Variants in AGBL1 observed in about 807,000 individuals in gnomAD.
AGBL1 encodes the protein AGBL carboxypeptidase 1.
In AGBL1, 130 loss-of-function variants were observed where a neutral mutation model predicts 118.9. That is an observed-to-expected ratio of 1.09 (90% confidence interval 0.95 to 1.26). The LOEUF (loss-of-function observed/expected upper bound fraction) is 1.26, where lower values mean the gene tolerates loss of function less well. AGBL1 is among the 50% of genes most tolerant of loss of function. The pLI is 0.00. For synonymous variants in AGBL1, 555 were observed against 478.9 expected (o/e 1.16, Z -2.08); for missense variants, 1,584 against 1,298.1 (o/e 1.22, Z -3.38).
At chr15:86,938,727 A>G (rs1567249437) in intron 23 of AGBL1, 1 of 152,206 alleles carries the variant, frequency 6.6e-6, no homozygotes, top group East Asian at 1.9e-4. Flanking sequence ...GAGTTGAAGT[A>G]CCAAGAAAGC....
intron 18 of AGBL1, among the ~76,000 whole-genome samples, chr15:86,522,135 C>T (rs2083197276): frequency 6.6e-6 from 1 of 152,134 alleles, no homozygotes; most frequent in East Asian, 1.9e-4. Flanking sequence ...TGAATACGAA[C>T]ATCATCATTC....
chr15:86,994,723 C>A (rs200368392), intron 24 of AGBL1, among the ~76,000 whole-genome samples: 163 of 152,158 alleles, frequency 1.1e-3, no homozygotes, highest in Non-Finnish European at 2.0e-3. Context: ...ATCACATATA[C>A]CCTTCTATAT....
At chr15:86,602,173 G>A (rs1006046397) in intron 21 of AGBL1, among the ~76,000 whole-genome samples, 1 of 151,988 alleles carries the variant, frequency 6.6e-6, no homozygotes, top group African/African-American at 2.4e-5. Flanking sequence ...CCCTTTGCCA[G>A]AGAAAATCTA....
chr15:86,767,697 A>T (rs2078116153), intron 22 of AGBL1, among the ~76,000 whole-genome samples: 1 of 151,952 alleles, frequency 6.6e-6, no homozygotes, highest in South Asian at 2.1e-4. Context: ...TTTGCTTCTG[A>T]GGCTTTTTTC....
Position 86,554,243 on chromosome 15 carries a change from A to G in AGBL1, c.2818-118A>G, listed in dbSNP as rs142406821. 4.2e-4 allele frequency: 373 copies of G among 888,832 alleles called. 1 individual carries two copies. The highest frequency in any genetic ancestry group is 5.9e-4 in the Non-Finnish European group (359 of 609,186). 55.1% of individuals were successfully genotyped at this position (888,832 alleles called of 1,614,324 possible). On this transcript the variant is annotated intron_variant, in intron 20 of 22. Transcript: ENST00000614907. The stretch of plus-strand genomic sequence containing the variant: ...AGCCATTTCTTAGGGTTAATAAATG[A>G]TTTAAAGTAACGAGTATTTTATATA...
chr15:86,306,094 A>G (rs561404203), intron 17 of AGBL1, among the ~76,000 whole-genome samples: 1 of 152,276 alleles, frequency 6.6e-6, no homozygotes, highest in East Asian at 1.9e-4. Flanking sequence ...ACAGGCACAC[A>G]ATGTGAAATA....
intron 23 of AGBL1, among the ~76,000 whole-genome samples, chr15:86,925,149 G>A (rs12903673): frequency 4.9e-4 from 11 of 22,426 alleles, no homozygotes; most frequent in African/African-American, 6.8e-4. Context: ...AGGAAGAGGA[G>A]GAGGAGGAGG....
intron 18 of AGBL1, among the ~76,000 whole-genome samples, chr15:86,440,520 A>C (rs1342694996): frequency 1.2e-5 from 1 of 85,958 alleles, no homozygotes; most frequent in Non-Finnish European, 2.2e-5. Flanking sequence ...ATAACAGTTA[A>C]TGGAAGTTAA....
chr15:86,189,183 AT>A (rs1360214567), intron 5 of AGBL1, among the ~76,000 whole-genome samples: 1 of 152,118 alleles, frequency 6.6e-6, no homozygotes, highest in Non-Finnish European at 1.5e-5. Flanking sequence ...CTTTAAAACC[AT>A]TTTCCCTGGG....
chr15:86,856,946 G>A (rs1198239152), intron 22 of AGBL1, among the ~76,000 whole-genome samples: 2 of 152,082 alleles, frequency 1.3e-5, no homozygotes, highest in African/African-American at 4.8e-5. Context: ...GTTTTGTCCC[G>A]AAGTCCCATG....
At chr15:86,436,821 G>C (rs537199652) in intron 18 of AGBL1, among the ~76,000 whole-genome samples, 1 of 152,260 alleles carries the variant, frequency 6.6e-6, no homozygotes, top group East Asian at 1.9e-4. Flanking sequence ...TTTTTTTAGA[G>C]AGTGCCTAAG....
chr15:86,954,419 G>T (rs529329914), intron 23 of AGBL1, among the ~76,000 whole-genome samples: 1 of 152,318 alleles, frequency 6.6e-6, no homozygotes, highest in East Asian at 1.9e-4. Flanking sequence ...ATCAGTGATT[G>T]ACTGAAGGAG....
intron 18 of AGBL1, among the ~76,000 whole-genome samples, chr15:86,450,946 T>C (rs1363363829): frequency 2.6e-5 from 4 of 152,228 alleles, no homozygotes. Context: ...TATAGGTTTA[T>C]GTTGATTTTT....
At chr15:86,713,990 G>A (rs528751818) in intron 22 of AGBL1, among the ~76,000 whole-genome samples, 5 of 152,312 alleles carry the variant, frequency 3.3e-5, no homozygotes, top group African/African-American at 1.2e-4. Context: ...CACAAAGGCT[G>A]AAAGCATAGG....
intron 5 of AGBL1, among the ~76,000 whole-genome samples, chr15:86,167,307 C>G (rs577922999): frequency 1.8e-4 from 28 of 151,472 alleles, no homozygotes; most frequent in African/African-American, 6.8e-4. Context: ...GTGCAGTGGC[C>G]TGATCCTGGC....
downstream of AGBL1, among the ~76,000 whole-genome samples, chr15:86,918,647 A>C (rs915005929): frequency 4.6e-5 from 7 of 152,174 alleles, no homozygotes; most frequent in Non-Finnish European, 8.8e-5. Context: ...AATTTTGCTC[A>C]GCTTCCTTCT....
At position 86,264,574 on chromosome 15, in the gene AGBL1, G is replaced by A. The variant is rs1346826255; in HGVS notation, c.1403G>A (p.Trp468Ter). The change falls in exon 11 of 23, where the codon TGG (tryptophan) becomes TAG (stop). Residue 468 changes from tryptophan (W) to a stop codon, truncating the protein, a stop_gained. Coordinates refer to ENST00000614907, the MANE Select transcript of AGBL1 (RefSeq NM_001386094.1). LOFTEE classifies it high-confidence loss of function. ...DIQASPKADAWDVDAIFCPRM... is the reference protein window; with the variant it reads ...DIQASPKADA ...CAGGCTTCCCCGAAAGCAGATGCCT[G>A]GGACGTAGATGCAATTTTCTGCCCA... The A allele has an allele frequency of 6.2e-7, 1 of 1,613,978 alleles. No individual in the cohort carries two copies. The highest frequency in any genetic ancestry group is 8.5e-7 in the Non-Finnish European group (1 of 1,179,876).
At chr15:86,980,678 A>G (rs1198459537) in intron 23 of AGBL1, among the ~76,000 whole-genome samples, 3 of 152,112 alleles carry the variant, frequency 2.0e-5, no homozygotes, top group Non-Finnish European at 4.4e-5. Flanking sequence ...CACACACAAT[A>G]CAATATTGAC....
intron 6 of AGBL1, among the ~76,000 whole-genome samples, chr15:86,235,682 T>A (rs2078529076): frequency 6.7e-6 from 1 of 148,540 alleles, no homozygotes; most frequent in African/African-American, 2.5e-5. Flanking sequence ...TTTTCATATA[T>A]ACAATCTCAT....
Sources: gnomAD v4.1 joint callset for allele counts (sites outside exome capture counted in the v4.1 genomes callset) on GRCh38, gnomAD v4.1.1 for gene constraint, MANE v1.5 for transcripts, NCBI Gene and HGNC (gene_info 2026-07-23, HGNC 2026-07-21) for gene names.